Variants in SLC39A11 observed in about 807,000 individuals in gnomAD.
SLC39A11 encodes the protein solute carrier family 39 member 11, also known as zinc transporter ZIP11.
In SLC39A11, 33 loss-of-function variants were observed where a neutral mutation model predicts 36.1. The ratio of observed to expected loss-of-function variants is 0.91; its 90% CI spans 0.69 to 1.22. The LOEUF is 1.22. Among genes scored for constraint, SLC39A11 ranks in the 50% most tolerant of loss-of-function variants. SLC39A11 has a pLI of 0.00. For synonymous variants in SLC39A11, 166 were observed against 170.3 expected (o/e 0.97, Z 0.20); for missense variants, 432 against 430.3 (o/e 1.00, Z -0.03).
At chr17:72,786,883 A>C (rs1192331080) in intron 6 of SLC39A11, among the ~76,000 whole-genome samples, 1 of 152,104 alleles carries the variant, frequency 6.6e-6, no homozygotes, top group African/African-American at 2.4e-5. Flanking sequence ...GCAATGGCGC[A>C]ATCTTGGCTC....
At chr17:73,047,990 A>AAAAATATATATATATATATAT (rs1555693446) in intron 3 of SLC39A11, among the ~76,000 whole-genome samples, 2 of 58,702 alleles carry the variant, frequency 3.4e-5, no homozygotes, top group Non-Finnish European at 6.0e-5. Context: ...AAAAAAAAAA[A>AAAAATATATATATATATATAT]ATATATATAT....
At chr17:72,873,487 C>A (rs893086366) in intron 5 of SLC39A11, among the ~76,000 whole-genome samples, 1 of 152,232 alleles carries the variant, frequency 6.6e-6, no homozygotes, top group Admixed American at 6.5e-5. Flanking sequence ...TTATCAAACT[C>A]TTTCTCTTCT....
chr17:72,899,313 T>C (rs1347609082), intron 5 of SLC39A11, among the ~76,000 whole-genome samples: 1 of 141,520 alleles, frequency 7.1e-6, no homozygotes, highest in Non-Finnish European at 1.5e-5. Context: ...CCCTAAGGAG[T>C]CCACCTGCCA....
At chr17:72,880,733 G>A (rs1238686854) in intron 5 of SLC39A11, among the ~76,000 whole-genome samples, 3 of 151,296 alleles carry the variant, frequency 2.0e-5, no homozygotes, top group Non-Finnish European at 4.4e-5. Flanking sequence ...CCAGGCTGGA[G>A]TGCAGTGGCA....
At chr17:72,781,376 G>A (rs1037186785) in intron 6 of SLC39A11, among the ~76,000 whole-genome samples, 7 of 150,870 alleles carry the variant, frequency 4.6e-5, no homozygotes, top group African/African-American at 1.7e-4. Flanking sequence ...GAAATGCTTT[G>A]ACATTTCCAT....
At chr17:72,871,056 G>GTTTTTTTTTTTTTTTTTT (rs34776144) in intron 5 of SLC39A11, among the ~76,000 whole-genome samples, 1 of 124,314 alleles carries the variant, frequency 8.0e-6, no homozygotes, top group Non-Finnish European at 1.7e-5. Context: ...TTTTGTTTTT[G>GTTTTTTTTTTTTTTTTTT]TTTTTTTTTT....
At chr17:73,015,823 C>G (rs2090772303) in intron 4 of SLC39A11, among the ~76,000 whole-genome samples, 1 of 152,196 alleles carries the variant, frequency 6.6e-6, no homozygotes, top group African/African-American at 2.4e-5. Flanking sequence ...CTCAGGTGAT[C>G]TGCCCGCTTC....
chr17:73,015,291 T>A (rs1272597079), intron 4 of SLC39A11, among the ~76,000 whole-genome samples: 1 of 152,192 alleles, frequency 6.6e-6, no homozygotes, highest in African/African-American at 2.4e-5. Flanking sequence ...GAATACTGCA[T>A]TCATGTCATA....
intron 6 of SLC39A11, among the ~76,000 whole-genome samples, chr17:72,752,670 G>A (rs1412550040): frequency 6.6e-6 from 1 of 152,218 alleles, no homozygotes; most frequent in Non-Finnish European, 1.5e-5. Flanking sequence ...TGGGATTACA[G>A]GCATGAGCCA....
intron 5 of SLC39A11, among the ~76,000 whole-genome samples, chr17:72,878,206 A>G (rs1406619957): frequency 6.6e-6 from 1 of 151,908 alleles, no homozygotes; most frequent in African/African-American, 2.4e-5. Context: ...CATTTTCTTA[A>G]TGGCACAAGG....
intron 5 of SLC39A11, among the ~76,000 whole-genome samples, chr17:72,914,982 C>T (rs2083252222): frequency 6.6e-6 from 1 of 152,296 alleles, no homozygotes; most frequent in East Asian, 1.9e-4. Flanking sequence ...TTTAGTGGCA[C>T]AGGCTGGGGC....
chr17:72,658,498 C>A (rs2070250790), intron 7 of SLC39A11, among the ~76,000 whole-genome samples: 1 of 152,208 alleles, frequency 6.6e-6, no homozygotes, highest in Non-Finnish European at 1.5e-5. Flanking sequence ...CCCTGTTTCG[C>A]CCCAGGGGCT....
rs371082950 is a variant in SLC39A11 at position 72,822,485 on chromosome 17, C to T, written c.601+27149G>A. Among the ~76,000 whole-genome samples the T allele has an allele frequency of 1.1e-4, 16 of 150,912 alleles. No individual in the cohort carries two copies. The East Asian group carries it at 1.9e-3, about 18-fold the overall frequency. On this transcript the variant is annotated intron_variant, in intron 6 of 9. Transcript: ENST00000255559. ...CTCCCAGCTCTGCAAATATTAGGGGCGGGTCTGGAGGGCCTATGCCCTCAG... is the reference window on the plus strand; with the variant it reads ...CTCCCAGCTCTGCAAATATTAGGGGTGGGTCTGGAGGGCCTATGCCCTCAG...
chr17:73,092,226 G>A (rs967989228), intron 1 of SLC39A11: 9 of 152,286 alleles, frequency 5.9e-5, no homozygotes, highest in African/African-American at 1.9e-4. Flanking sequence ...GAGCAAGTGG[G>A]AGGGGCCTGG....
chr17:72,796,767 G>A (rs1261143873), intron 6 of SLC39A11, among the ~76,000 whole-genome samples: 2 of 152,154 alleles, frequency 1.3e-5, no homozygotes, highest in East Asian at 1.9e-4. Context: ...TCAGCCTCCT[G>A]AGTAGCTGGG....
At chr17:72,666,074 C>CATGT (rs992225258) in intron 7 of SLC39A11, among the ~76,000 whole-genome samples, 1 of 152,136 alleles carries the variant, frequency 6.6e-6, no homozygotes, top group African/African-American at 2.4e-5. Context: ...CAGCAGGGAG[C>CATGT]ATGTCACAAT....
intron 3 of SLC39A11, among the ~76,000 whole-genome samples, chr17:73,061,083 C>T (rs1317680016): frequency 3.3e-5 from 5 of 152,110 alleles, no homozygotes; most frequent in Non-Finnish European, 7.4e-5. Flanking sequence ...CAGAACTCAC[C>T]GAGCGTGGTG....
At chr17:72,649,732 C>G (rs2069764485) in intron 7 of SLC39A11, among the ~76,000 whole-genome samples, 1 of 151,492 alleles carries the variant, frequency 6.6e-6, no homozygotes, top group African/African-American at 2.4e-5. Context: ...CAACCTCCAC[C>G]TCCCGGGTTC....
At position 72,948,728 on chromosome 17, in the gene SLC39A11, AC is replaced by A. The variant is rs138147951; in HGVS notation, c.307-854del. 2.7e-3 allele frequency among the ~76,000 whole-genome samples: 416 copies of A among 152,346 alleles called. 2 individuals are homozygous for A. The highest frequency in any genetic ancestry group is 9.2e-3 in the African/African-American group (381 of 41,592). On this transcript the variant is annotated intron_variant, in intron 4 of 9. Transcript: ENST00000255559. ...TGATCAGTTTGACTGTTTCGCATTA[AC>A]CAGGCAAAATCGTGCGTTTGATCCT... is the stretch of plus-strand genomic sequence containing the variant.
Sources: allele counts gnomAD v4.1 joint callset (sites outside exome capture counted in the v4.1 genomes callset), GRCh38; gene constraint gnomAD v4.1.1; transcripts MANE v1.5; gene names NCBI Gene and HGNC (gene_info 2026-07-23, HGNC 2026-07-21).